Variants in AMOTL1 observed in about 807,000 individuals in gnomAD.
AMOTL1 encodes the protein angiomotin like 1.
A neutral mutation model predicts 102.9 loss-of-function variants in AMOTL1; 45 were observed. The observed-to-expected ratio is 0.44, with a 90% CI of 0.34 to 0.56. The LOEUF (loss-of-function observed/expected upper bound fraction) is 0.56. Among genes scored for constraint, AMOTL1 ranks in the 20% least tolerant of loss-of-function variants. The probability of loss-of-function intolerance (pLI) is 0.01; values close to 1 mark genes in which losing one functional copy is unlikely to be tolerated. For synonymous variants in AMOTL1, 481 were observed against 484.7 expected, an observed-to-expected ratio of 0.99 and a Z score of 0.10; for missense variants, 1,114 against 1,225.6, an observed-to-expected ratio of 0.91 and a Z score of 1.36.
chr11:94,710,758 C>G (rs936801706), intron 1 of AMOTL1, among the ~76,000 whole-genome samples: 2 of 152,086 alleles, frequency 1.3e-5, no homozygotes, highest in African/African-American at 4.8e-5. Context: ...TTTTTTGTCC[C>G]TCTTTTTGCT....
At chr11:94,793,057 C>T (rs1188153501) in intron 1 of AMOTL1, among the ~76,000 whole-genome samples, 4 of 152,156 alleles carry the variant, frequency 2.6e-5, no homozygotes, top group Non-Finnish European at 4.4e-5. Flanking sequence ...CTTCTTTATA[C>T]ACATATTCAT....
chr11:94,745,782 T>C (rs1013427617), intron 3 of AMOTL1, among the ~76,000 whole-genome samples: 3 of 152,222 alleles, frequency 2.0e-5, no homozygotes, highest in Non-Finnish European at 2.9e-5. Flanking sequence ...ATTTAAAACA[T>C]ACTTATTTCC....
rs1953034008 is a variant in AMOTL1, at chr11:94,873,162, C to T, written c.*2367C>T. 6.6e-6 allele frequency: 1 copy of T among 152,198 alleles called. No individual in the cohort carries two copies. Among genetic ancestry groups the T allele is most frequent in the Admixed American group, 6.5e-5 (1 of 15,284 alleles). 9.4% of individuals were successfully genotyped at this position (152,198 alleles called of 1,614,324 possible). ...CTGATTGCCCCAATCAGGTGTCAGA[C>T]TTGCTTGCTCTTCGAGGTCCCCCTG... On this transcript the variant is annotated 3_prime_UTR_variant, in exon 13 of 13. Coordinates refer to ENST00000433060, the MANE Select transcript of AMOTL1 (RefSeq NM_130847.3).
intron 1 of AMOTL1, among the ~76,000 whole-genome samples, chr11:94,710,706 T>C (rs902316203): frequency 1.3e-5 from 2 of 152,198 alleles, no homozygotes; most frequent in South Asian, 4.1e-4. Flanking sequence ...AATACTTATA[T>C]CACACTGAAT....
chr11:94,822,621 C>G (rs746098214), intron 4 of AMOTL1, among the ~76,000 whole-genome samples: 1 of 152,106 alleles, frequency 6.6e-6, no homozygotes, highest in Non-Finnish European at 1.5e-5. Context: ...ATGTTTGTGA[C>G]TTATCAGGTG....
chr11:94,771,487 G>T (rs760662928), intron 1 of AMOTL1, among the ~76,000 whole-genome samples: 2 of 152,150 alleles, frequency 1.3e-5, no homozygotes, highest in African/African-American at 4.8e-5. Context: ...AATAGTCTGA[G>T]GTTGTTGTGG....
intron 6 of AMOTL1, among the ~76,000 whole-genome samples, chr11:94,838,911 T>TAAC (rs772462219): frequency 0.22 from 33,895 of 152,078 alleles, 4,414 homozygotes; most frequent in Admixed American, 0.42. Context: ...AGCCCTGTGG[T>TAAC]TATCCATGAT....
chr11:94,742,333 C>T (rs1436859793), intron 3 of AMOTL1, among the ~76,000 whole-genome samples: 1 of 152,248 alleles, frequency 6.6e-6, no homozygotes, highest in East Asian at 1.9e-4. Flanking sequence ...ATGTTAATGA[C>T]ACCAGCATTG....
intron 3 of AMOTL1, among the ~76,000 whole-genome samples, chr11:94,811,770 T>G (rs1353813498): frequency 6.6e-6 from 1 of 152,052 alleles, no homozygotes; most frequent in Non-Finnish European, 1.5e-5. Context: ...CACTTTAAAG[T>G]TAAGGAGAAA....
At chr11:94,844,081 C>A (rs1004126853) in intron 6 of AMOTL1, among the ~76,000 whole-genome samples, 4 of 152,158 alleles carry the variant, frequency 2.6e-5, no homozygotes, top group African/African-American at 9.7e-5. Context: ...AGACTGTCCT[C>A]TAAAATCAGT....
At chr11:94,738,537 T>C (rs2135472158) in intron 2 of AMOTL1, among the ~76,000 whole-genome samples, 1 of 152,252 alleles carries the variant, frequency 6.6e-6, no homozygotes, top group African/African-American at 2.4e-5. Flanking sequence ...GAAATATAGA[T>C]GTGAGCCACC....
rs2135757242 is a variant in AMOTL1 at position 94,876,228 on chromosome 11, GT to G, written c.*5439del. On this transcript the variant is annotated 3_prime_UTR_variant, in exon 13 of 13. Coordinates refer to ENST00000433060, the MANE Select transcript of AMOTL1 (RefSeq NM_130847.3). ...TTTATTTGAATCAAGGTGTTTTTTT[GT>G]TTTTTGTTTTTTTTCCTTTTGAGGA... 6.6e-6 allele frequency: 1 copy of G among 152,574 alleles called. No individual in the cohort carries two copies. Among genetic ancestry groups the G allele is most frequent in the Non-Finnish European group, 1.5e-5 (1 of 67,972 alleles). The allele number at this position is 152,574 out of a possible 1,614,324, so 9.5% of individuals were successfully genotyped here. A position where few individuals can be genotyped will look rare whatever the true frequency, so the allele number is the denominator to read the frequency against.
At chr11:94,770,229 A>G (rs1950926895) in intron 1 of AMOTL1, among the ~76,000 whole-genome samples, 1 of 152,186 alleles carries the variant, frequency 6.6e-6, no homozygotes, top group East Asian at 1.9e-4. Flanking sequence ...ACTGACATTT[A>G]CTTCCTAGTA....
intron 1 of AMOTL1, among the ~76,000 whole-genome samples, chr11:94,788,442 C>G (rs1951229152): frequency 6.6e-6 from 1 of 152,154 alleles, no homozygotes; most frequent in Non-Finnish European, 1.5e-5. Flanking sequence ...CCGATCTTCC[C>G]TCACTACCAC....
rs948005739 is a variant in AMOTL1 at position 94,794,551 on chromosome 11, G to A, written c.50-460G>A. On this transcript the variant is annotated intron_variant, in intron 1 of 12. Transcript: ENST00000433060. ...GCACATTCTCTTGCTAACACATGGTGTGGCAGAATGACCACTCCTTTCTGT... is the reference window on the plus strand; with the variant it reads ...GCACATTCTCTTGCTAACACATGGTATGGCAGAATGACCACTCCTTTCTGT... Among the ~76,000 whole-genome samples, 4 of 152,334 alleles carry A rather than the reference G, an allele frequency of 2.6e-5. No homozygotes were observed. The South Asian group carries it at 8.3e-4, about 32-fold the overall frequency.
chr11:94,825,724 C>T (rs963626103), intron 4 of AMOTL1, among the ~76,000 whole-genome samples: 23 of 152,150 alleles, frequency 1.5e-4, no homozygotes, highest in African/African-American at 5.6e-4. Context: ...TCAGAGGGTG[C>T]TTAAGATGTT....
At chr11:94,721,336 G>C (rs755128778) in intron 1 of AMOTL1, among the ~76,000 whole-genome samples, 3 of 151,952 alleles carry the variant, frequency 2.0e-5, no homozygotes, top group Non-Finnish European at 4.4e-5. Flanking sequence ...TGTGACTAAA[G>C]TGGATTAAAT....
intron 8 of AMOTL1, among the ~76,000 whole-genome samples, chr11:94,856,521 T>C (rs1952669087): frequency 6.6e-6 from 1 of 152,136 alleles, no homozygotes; most frequent in South Asian, 2.1e-4. Flanking sequence ...TGGGGTCATC[T>C]GAGGAACTCA....
At chr11:94,816,248 G>A (rs1326459618) in intron 3 of AMOTL1, among the ~76,000 whole-genome samples, 1 of 151,888 alleles carries the variant, frequency 6.6e-6, no homozygotes, top group Admixed American at 6.6e-5. Context: ...TTTATTCCTC[G>A]GGTGCTGTTT....
Sources: gnomAD v4.1 joint callset for allele counts (sites outside exome capture counted in the v4.1 genomes callset) on GRCh38, gnomAD v4.1.1 for gene constraint, MANE v1.5 for transcripts, NCBI Gene and HGNC (gene_info 2026-07-23, HGNC 2026-07-21) for gene names.